The following DLG2 variants were observed in gnomAD, a reference collection of about 807,000 sequenced individuals.
The protein encoded by DLG2 is disks large homolog 2.
In DLG2, 45 loss-of-function variants were observed where a neutral mutation model predicts 132.5. That is an observed-to-expected ratio of 0.34 (90% CI 0.27 to 0.44). DLG2 has a LOEUF of 0.44. Ranked by LOEUF, DLG2 falls within the 20% of genes least tolerant of loss-of-function variation. DLG2 has a pLI of 1.00. For missense variants in DLG2, 1,045 were observed against 1,196.9 expected, an observed-to-expected ratio of 0.87 and a Z score of 1.87; for synonymous variants, 424 against 419.6, an observed-to-expected ratio of 1.01 and a Z score of -0.13.
chr11:85,430,619 C>T (rs1035004058), intron 3 of DLG2, among the ~76,000 whole-genome samples: 2 of 152,062 alleles, frequency 1.3e-5, no homozygotes, highest in African/African-American at 4.8e-5. Context: ...CTCCATAGAG[C>T]TCCCAAAATA....
intron 3 of DLG2, among the ~76,000 whole-genome samples, chr11:85,386,918 G>A (rs1233914004): frequency 6.7e-6 from 1 of 148,948 alleles, no homozygotes; most frequent in Non-Finnish European, 1.5e-5. Context: ...TTTTTAGATG[G>A]AGTTTTGCTC....
At chr11:84,393,452 T>G (rs1401348860) in intron 7 of DLG2, among the ~76,000 whole-genome samples, 3 of 152,178 alleles carry the variant, frequency 2.0e-5, no homozygotes, top group Non-Finnish European at 4.4e-5. Flanking sequence ...TTGTTTTTCT[T>G]TATAGATTTT....
intron 19 of DLG2, among the ~76,000 whole-genome samples, chr11:83,553,192 A>C (rs909296530): frequency 1.3e-5 from 2 of 152,306 alleles, no homozygotes; most frequent in Admixed American, 1.3e-4. Flanking sequence ...GGTCTCTTGA[A>C]GTTTCCCCAT....
intron 4 of DLG2, among the ~76,000 whole-genome samples, chr11:85,276,687 AT>A (rs978385529): frequency 6.6e-6 from 1 of 152,194 alleles, no homozygotes; most frequent in Non-Finnish European, 1.5e-5. Flanking sequence ...CAACCAGGAA[AT>A]TTTAATTCAT....
At chr11:85,340,575 A>C (rs1247247000) in intron 3 of DLG2, among the ~76,000 whole-genome samples, 2 of 152,242 alleles carry the variant, frequency 1.3e-5, no homozygotes, top group African/African-American at 2.4e-5. Context: ...CCAACATGGC[A>C]CATGTATACC....
intron 7 of DLG2, among the ~76,000 whole-genome samples, chr11:84,410,726 C>A (rs1296972835): frequency 6.6e-6 from 1 of 151,614 alleles, no homozygotes; most frequent in African/African-American, 2.4e-5. Flanking sequence ...ATTACAGGTG[C>A]CCACCACCAT....
intron 7 of DLG2, chr11:84,437,248 T>G (rs942748871): frequency 6.6e-6 from 1 of 152,168 alleles, no homozygotes; most frequent in African/African-American, 2.4e-5. Context: ...CCCCTTTTCA[T>G]AGTGGCAAGG....
chr11:84,011,801 G>T (rs1308221415), intron 11 of DLG2, among the ~76,000 whole-genome samples: 1 of 152,004 alleles, frequency 6.6e-6, no homozygotes, highest in Non-Finnish European at 1.5e-5. Flanking sequence ...TAAAACCTTG[G>T]CACTAAAAAA....
Position 83,786,921 on chromosome 11 carries a change from T to C in DLG2, c.1723-129A>G. 3.0e-6 allele frequency: 2 copies of C among 659,934 alleles called. 1 individual carries two copies. The highest frequency in any genetic ancestry group is 5.2e-6 in the Non-Finnish European group (2 of 384,100). 40.9% of individuals were successfully genotyped at this position (659,934 alleles called of 1,614,324 possible). On this transcript the variant is annotated intron_variant, in intron 17 of 27. Coordinates refer to ENST00000376104, the MANE Select transcript of DLG2 (RefSeq NM_001142699.3). Reference sequence around the variant, plus strand: ...GCCTCAGAAACCCCTCATATCCTACTCAGGTGTTTGTGGACTTTCATGATC... The same window carrying C: ...GCCTCAGAAACCCCTCATATCCTACCCAGGTGTTTGTGGACTTTCATGATC...
chr11:85,582,796 G>C (rs1003548823), intron 3 of DLG2, among the ~76,000 whole-genome samples: 1 of 143,560 alleles, frequency 7.0e-6, no homozygotes, highest in African/African-American at 2.6e-5. Context: ...TTTGCTGAAA[G>C]CATTTAATAT....
intron 6 of DLG2, among the ~76,000 whole-genome samples, chr11:85,066,543 A>G (rs930203143): frequency 1.3e-5 from 2 of 151,776 alleles, no homozygotes; most frequent in Non-Finnish European, 2.9e-5. Context: ...AAAATTCTCA[A>G]CAAAATACTA....
chr11:84,394,259 A>G (rs1021389361), intron 7 of DLG2, among the ~76,000 whole-genome samples: 1 of 151,864 alleles, frequency 6.6e-6, no homozygotes, highest in African/African-American at 2.4e-5. Flanking sequence ...ATGGCACTCT[A>G]GGATCACTTT....
intron 7 of DLG2, among the ~76,000 whole-genome samples, chr11:84,260,780 G>A (rs1177055829): frequency 1.3e-5 from 2 of 152,114 alleles, no homozygotes; most frequent in Admixed American, 6.6e-5. Context: ...TCAAACCCAG[G>A]TGTTCTGACT....
intron 4 of DLG2, among the ~76,000 whole-genome samples, chr11:85,266,566 T>C (rs2077224820): frequency 6.6e-6 from 1 of 151,652 alleles, no homozygotes; most frequent in Non-Finnish European, 1.5e-5. Flanking sequence ...TATATAACAA[T>C]CCTGCATGTT....
intron 3 of DLG2, among the ~76,000 whole-genome samples, chr11:85,388,885 T>G (rs2086570556): frequency 6.6e-6 from 1 of 152,092 alleles, no homozygotes; most frequent in Non-Finnish European, 1.5e-5. Flanking sequence ...TCTGACAAAG[T>G]CTACTCATAA....
intron 16 of DLG2, among the ~76,000 whole-genome samples, chr11:83,838,657 G>C (rs2056836520): frequency 6.6e-6 from 1 of 152,104 alleles, no homozygotes; most frequent in Non-Finnish European, 1.5e-5. Flanking sequence ...AAAAAGTCTG[G>C]CATTCCATCA....
chr11:84,713,032 T>A (rs2060623226), intron 6 of DLG2, among the ~76,000 whole-genome samples: 1 of 152,140 alleles, frequency 6.6e-6, no homozygotes. Flanking sequence ...TGGATCAAAC[T>A]CCTCTCAAAA....
At chr11:84,054,181 A>T (rs1008273981) in intron 11 of DLG2, among the ~76,000 whole-genome samples, 1 of 152,108 alleles carries the variant, frequency 6.6e-6, no homozygotes, top group African/African-American at 2.4e-5. Flanking sequence ...AAAAGAAGTC[A>T]TCTAATTTCT....
rs753491482 is a variant in DLG2, at chr11:84,709,414, C to T, written c.358-174683G>A. Among the ~76,000 whole-genome samples, 36 of 151,872 alleles carry T rather than the reference C, an allele frequency of 2.4e-4. 1 individual carries two copies. The highest frequency in any genetic ancestry group is 4.7e-4 in the Non-Finnish European group (32 of 67,916). On this transcript the variant is annotated intron_variant, in intron 6 of 27. Coordinates refer to ENST00000376104, the MANE Select transcript of DLG2 (RefSeq NM_001142699.3). ...ATCTGAGAGAGTAAGAGAAAGAAAA[C>T]TAATATTTATTTAATGATTACTACA... is the stretch of plus-strand genomic sequence containing the variant.
Sources: allele counts gnomAD v4.1 joint callset (sites outside exome capture counted in the v4.1 genomes callset), GRCh38; gene constraint gnomAD v4.1.1; transcripts MANE v1.5; gene names NCBI Gene and HGNC (gene_info 2026-07-23, HGNC 2026-07-21).